Variants in AKAP1 observed in about 807,000 individuals in gnomAD.
AKAP1 encodes A-kinase anchoring protein 1.
Under a neutral mutation model 79.8 loss-of-function variants are expected in AKAP1, and 32 were observed. The observed-to-expected ratio is 0.40, with a 90% CI of 0.30 to 0.54. The LOEUF is 0.54. Ranked by LOEUF, AKAP1 falls within the 20% of genes least tolerant of loss-of-function variation. AKAP1 has a pLI of 0.47. For missense variants in AKAP1, 961 were observed against 1,138.9 expected, an observed-to-expected ratio of 0.84 and a Z score of 2.25; for synonymous variants, 416 against 466.7, an observed-to-expected ratio of 0.89 and a Z score of 1.40.
intron 5 of AKAP1, among the ~76,000 whole-genome samples, chr17:57,113,438 T>C (rs573272533): frequency 6.6e-6 from 1 of 151,778 alleles, no homozygotes; most frequent in Non-Finnish European, 1.5e-5. Context: ...GGCATTTCAG[T>C]TTTGTGTCTT....
At chr17:57,097,948 T>G (rs554438217) in intron 1 of AKAP1, among the ~76,000 whole-genome samples, 1 of 152,246 alleles carries the variant, frequency 6.6e-6, no homozygotes, top group Non-Finnish European at 1.5e-5. Context: ...CAAATTGGCT[T>G]AGTCACTGGG....
At position 57,106,841 on chromosome 17, in the gene AKAP1, C is replaced by T; in HGVS notation, c.1377C>T (p.Ile459=). ...DSKPNISAHH[I]SLASCLALTT... ...AGCCAAATATCTCTGCACACCACAT[C>T]TCCCTGGCCTCCTGCCTGGCACTGA... is the stretch of plus-strand genomic sequence containing the variant. Residue 459 remains isoleucine, a synonymous_variant, in exon 2 of 11, where the codon ATC becomes ATT. Coordinates refer to ENST00000337714, the MANE Select transcript of AKAP1 (RefSeq NM_003488.4). The T allele has an allele frequency of 6.2e-7, 1 of 1,614,220 alleles. No homozygotes were observed. Among genetic ancestry groups the T allele is most frequent in the East Asian group, 2.2e-5 (1 of 44,882 alleles).
At position 57,105,864 on chromosome 17, in the gene AKAP1, G is replaced by C; in HGVS notation, c.400G>C (p.Ala134Pro). Residue 134 changes from alanine to proline, a missense_variant, in exon 2 of 11, where the codon GCC (alanine) becomes CCC (proline). Transcript: ENST00000337714. ...AGATGACAGTACAAAGCTGGAGCTA[G>C]CCCTGACAGGTGGTGAAGCCAAATC... ...RRDDSTKLEL[A>P]LTGGEAKSIP... 1 of 1,614,232 alleles carries C rather than the reference G, an allele frequency of 6.2e-7. No individual in the cohort carries two copies. Among genetic ancestry groups the C allele is most frequent in the Non-Finnish European group, 8.5e-7 (1 of 1,180,052 alleles).
Position 57,120,425 on chromosome 17 carries a change from A to G in AKAP1, c.*101A>G. ...CGGAATAACAAACATTGTCCTCTCC[A>G]GAAAGTCCTTTCTTTCTCCATACTG... On this transcript the variant is annotated 3_prime_UTR_variant, in exon 11 of 11. Transcript: ENST00000337714. 6 of 1,071,476 alleles carry G rather than the reference A, an allele frequency of 5.6e-6. No individual in the cohort carries two copies. Among genetic ancestry groups the G allele is most frequent in the Non-Finnish European group, 8.2e-6 (6 of 727,492 alleles). 66.4% of individuals were successfully genotyped at this position (1,071,476 alleles called of 1,614,324 possible).
intron 5 of AKAP1, 138 bp downstream of exon 5, chr17:57,112,756 G>A (rs551827892): frequency 4.5e-5 from 57 of 1,280,380 alleles, no homozygotes; most frequent in Non-Finnish European, 6.0e-5. Context: ...GGCCTCTGCT[G>A]GTCGGTTCTG....
At chr17:57,109,645 C>T (rs1000953008) in intron 2 of AKAP1, among the ~76,000 whole-genome samples, 5 of 152,156 alleles carry the variant, frequency 3.3e-5, no homozygotes, top group African/African-American at 7.2e-5. Flanking sequence ...TGTGGTCCAT[C>T]GGTCTGGCTC....
intron 1 of AKAP1, among the ~76,000 whole-genome samples, chr17:57,091,102 CCTT>C (rs1597957658): frequency 1.3e-5 from 2 of 152,356 alleles, no homozygotes; most frequent in Admixed American, 1.3e-4. Context: ...TCTGTACACT[CCTT>C]CTTGCCCCTC....
chr17:57,089,537 G>A (rs1482714175), intron 1 of AKAP1, among the ~76,000 whole-genome samples: 7 of 152,140 alleles, frequency 4.6e-5, no homozygotes, highest in Admixed American at 2.6e-4. Context: ...AGTGGCTGCC[G>A]TCCTGGTCAG....
intron 10 of AKAP1, 82 bp from the exon 11 acceptor site, chr17:57,120,167 CG>C: frequency 7.7e-7 from 1 of 1,304,442 alleles, no homozygotes; most frequent in East Asian, 2.3e-5. Flanking sequence ...CAGTGGCAAC[CG>C]GGGAGGGGAG....
At position 57,121,260 on chromosome 17, in the gene AKAP1, GTGTT is replaced by G. The variant is rs202026804; in HGVS notation, c.*939_*942del. On this transcript the variant is annotated 3_prime_UTR_variant, in exon 11 of 11. Coordinates refer to ENST00000337714, the MANE Select transcript of AKAP1 (RefSeq NM_003488.4). Reference sequence around the variant, plus strand: ...ACTCATTGAATTAACTTGCAGTGGTGTGTTTGATTCTTTTTTAGACTGGCTTCAG... The same window carrying G: ...ACTCATTGAATTAACTTGCAGTGGTGTGATTCTTTTTTAGACTGGCTTCAG... 6.6e-6 allele frequency: 1 copy of G among 151,778 alleles called. No homozygotes were observed. The highest frequency in any genetic ancestry group is 1.9e-4 in the East Asian group (1 of 5,194). 9.4% of individuals were successfully genotyped at this position (151,778 alleles called of 1,614,324 possible).
chr17:57,118,316 G>A (rs1915711198), intron 8 of AKAP1, 65 bp from the exon 9 acceptor site: 6 of 1,473,502 alleles, frequency 4.1e-6, no homozygotes, highest in Admixed American at 3.4e-5. Flanking sequence ...TGAAACTTGT[G>A]TACATGACAA....
chr17:57,110,233 G>A lies in AKAP1; in HGVS notation c.1848+75G>A, dbSNP rs115163154. 3.9e-3 allele frequency: 6,141 copies of A among 1,567,124 alleles called. 166 individuals are homozygous for A. The African/African-American group carries it at 0.066, about 17-fold the overall frequency. On this transcript the variant is annotated intron_variant, in intron 3 of 10. Transcript: ENST00000337714. ...TGGGGCCAGGGCCATTAGACCTCAGGGAGGGAGGGGGCTGGGAGAGGGACA... is the reference window on the plus strand; with the variant it reads ...TGGGGCCAGGGCCATTAGACCTCAGAGAGGGAGGGGGCTGGGAGAGGGACA...
Position 57,106,536 on chromosome 17 carries a change from G to C in AKAP1, c.1072G>C (p.Glu358Gln), listed in dbSNP as rs144314049. The change falls in exon 2 of 11, where the codon GAA becomes CAA. Residue 358 changes from glutamate to glutamine, a missense_variant. Glu to Gln is a conservative substitution (Grantham distance 29). This residue lies in a region of AKAP1 where 629 missense variants were observed against 781.1 expected (regional missense o/e 0.81). Transcript: ENST00000337714. The stretch of plus-strand genomic sequence containing the variant: ...CCAGATAATCTCCCAAGTGATCTCA[G>C]AAGCAACCGAACAGGTGCTGGCCAC... Reference protein sequence around the residue: ...AFQIISQVISEATEQVLATTV... With the variant: ...AFQIISQVISQATEQVLATTV... The C allele has an allele frequency of 1.9e-6, 3 of 1,614,232 alleles. No homozygotes were observed. The highest frequency in any genetic ancestry group is 2.5e-6 in the Non-Finnish European group (3 of 1,180,042).
In AKAP1 at chr17:57,106,809, G is replaced by A; in HGVS notation, c.1345G>A (p.Asp449Asn). Residue 449 changes from aspartate to asparagine, a missense_variant, in exon 2 of 11, where the codon GAC (aspartate) becomes AAC (asparagine). By Grantham distance (23) the Asp-to-Asn change is conservative. Transcript: ENST00000337714. ...LKSLLSSPTK[D>N]SKPNISAHHI... ...GAGCCTTCTGTCCAGCCCCACCAAG[G>A]ACAGTAAGCCAAATATCTCTGCACA... The A allele has an allele frequency of 6.2e-7, 1 of 1,614,116 alleles. No homozygotes were observed. The highest frequency in any genetic ancestry group is 8.5e-7 in the Non-Finnish European group (1 of 1,180,042).
At chr17:57,093,849 ATC>A (rs1913929895) in intron 1 of AKAP1, 1 of 137,008 alleles carries the variant, frequency 7.3e-6, no homozygotes, top group Non-Finnish European at 1.5e-5. Flanking sequence ...AAGGATTATT[ATC>A]TGATTTGTTT....
intron 1 of AKAP1, among the ~76,000 whole-genome samples, chr17:57,097,493 C>T (rs1393195761): frequency 2.0e-5 from 3 of 152,228 alleles, no homozygotes; most frequent in Non-Finnish European, 2.9e-5. Flanking sequence ...CGGAGAACTC[C>T]GAGTTTGTGA....
rs1915616630 is a variant in AKAP1, at chr17:57,116,834, A to G, written c.2433-26A>G. The G allele has an allele frequency of 5.6e-6, 9 of 1,611,082 alleles. No homozygotes were observed. The Admixed American group carries it at 8.3e-5, about 15-fold the overall frequency. ...GGAGTCAGCCTTCATGTCCACATTAAACTTGTTCCTTTCTTGCCTTCCCAG... is the reference window on the plus strand; with the variant it reads ...GGAGTCAGCCTTCATGTCCACATTAGACTTGTTCCTTTCTTGCCTTCCCAG... On this transcript the variant is annotated intron_variant, in intron 7 of 10. Coordinates refer to ENST00000337714, the MANE Select transcript of AKAP1 (RefSeq NM_003488.4).
In AKAP1 at chr17:57,097,913, C is replaced by T. The variant is rs529208416; in HGVS notation, c.-24-7528C>T. On this transcript the variant is annotated intron_variant, in intron 1 of 10. Coordinates refer to ENST00000337714, the MANE Select transcript of AKAP1 (RefSeq NM_003488.4). The stretch of plus-strand genomic sequence containing the variant: ...GGTGGACTTTCCCATCAGTTACATG[C>T]GGCTCTTTTTGCAGTCACTGCAGCC... 8.5e-5 allele frequency among the ~76,000 whole-genome samples: 13 copies of T among 152,348 alleles called. No homozygotes were observed. The East Asian group carries it at 1.7e-3, about 20-fold the overall frequency.
intron 2 of AKAP1, among the ~76,000 whole-genome samples, chr17:57,109,692 C>T (rs572159591): frequency 7.2e-5 from 11 of 152,198 alleles, no homozygotes; most frequent in South Asian, 4.1e-4. Context: ...TCTCCTCCCC[C>T]GCCCTCTGGG....
Sources: allele counts gnomAD v4.1 joint callset (sites outside exome capture counted in the v4.1 genomes callset), GRCh38; gene constraint gnomAD v4.1.1; regional missense constraint gnomAD v4.1.1; transcripts MANE v1.5; gene names NCBI Gene and HGNC (gene_info 2026-07-23, HGNC 2026-07-21).